The following GALNTL6 variants were observed in gnomAD, a reference collection of about 807,000 sequenced individuals.
GALNTL6 encodes polypeptide N-acetylgalactosaminyltransferase-like 6.
A neutral mutation model predicts 73.7 loss-of-function variants in GALNTL6; 46 were observed. That is an observed-to-expected ratio of 0.62 (90% CI 0.49 to 0.80). The LOEUF (loss-of-function observed/expected upper bound fraction) is 0.80. Ranked by LOEUF, GALNTL6 falls within the 30% of genes least tolerant of loss-of-function variation. GALNTL6 has a pLI of 0.00. For missense variants in GALNTL6, 604 were observed against 755.0 expected (o/e 0.80, Z 2.34); for synonymous variants, 259 against 263.7 (o/e 0.98, Z 0.17).
At chr4:171,973,639 G>A (rs1455781187) in intron 2 of GALNTL6, among the ~76,000 whole-genome samples, 1 of 152,072 alleles carries the variant, frequency 6.6e-6, no homozygotes, top group African/African-American at 2.4e-5. Context: ...TCCAAATAAA[G>A]CTACATTCTT....
chr4:172,038,515 C>A (rs1742000245), intron 2 of GALNTL6, among the ~76,000 whole-genome samples: 1 of 152,108 alleles, frequency 6.6e-6, no homozygotes, highest in African/African-American at 2.4e-5. Context: ...CAACAAAATT[C>A]AAAATTCAAA....
At chr4:172,468,524 T>G (rs1397736249) in intron 5 of GALNTL6, among the ~76,000 whole-genome samples, 1 of 152,232 alleles carries the variant, frequency 6.6e-6, no homozygotes, top group Admixed American at 6.5e-5. Flanking sequence ...ATATTCATTT[T>G]GAAGATGCAA....
At chr4:172,741,951 A>G (rs1263350516) in intron 5 of GALNTL6, among the ~76,000 whole-genome samples, 1 of 151,840 alleles carries the variant, frequency 6.6e-6, no homozygotes, top group Non-Finnish European at 1.5e-5. Context: ...CCTATATAAA[A>G]CAATAGAGAA....
chr4:172,781,854 G>A (rs1466819319), intron 5 of GALNTL6, among the ~76,000 whole-genome samples: 1 of 151,288 alleles, frequency 6.6e-6, no homozygotes, highest in Non-Finnish European at 1.5e-5. Flanking sequence ...TAATGGGCAT[G>A]TATTATTTAT....
At chr4:172,675,240 C>G (rs1732215995) in intron 5 of GALNTL6, among the ~76,000 whole-genome samples, 1 of 152,054 alleles carries the variant, frequency 6.6e-6, no homozygotes, top group African/African-American at 2.4e-5. Flanking sequence ...TTGGGGAGAC[C>G]AGTTCTCAGG....
In GALNTL6 at chr4:171,838,108, C is replaced by CTATTTATTTATT. The variant is rs57493491; in HGVS notation, c.138+23408_138+23419dup. Among the ~76,000 whole-genome samples, 316 of 149,564 alleles carry CTATTTATTTATT rather than the reference C, an allele frequency of 2.1e-3. 1 individual carries two copies. Among genetic ancestry groups the CTATTTATTTATT allele is most frequent in the African/African-American group, 6.4e-3 (257 of 40,418 alleles). ...AAAGTTTAAAATTCATTGTTTCTGT[C>CTATTTATTTATT]TATTTATTTATTTATTTATTTATTT... On this transcript the variant is annotated intron_variant, in intron 2 of 12. Coordinates refer to ENST00000506823, the MANE Select transcript of GALNTL6 (RefSeq NM_001034845.3).
intron 10 of GALNTL6, among the ~76,000 whole-genome samples, chr4:172,986,038 C>T (rs960390820): frequency 6.6e-6 from 1 of 152,124 alleles, no homozygotes; most frequent in Non-Finnish European, 1.5e-5. Context: ...AAATTATAAA[C>T]TCAATTACTC....
chr4:172,542,758 A>G (rs964485047), intron 5 of GALNTL6, among the ~76,000 whole-genome samples: 1 of 152,100 alleles, frequency 6.6e-6, no homozygotes, highest in African/African-American at 2.4e-5. Context: ...GTTTTCAGTT[A>G]CATTCCCAAC....
intron 5 of GALNTL6, among the ~76,000 whole-genome samples, chr4:172,645,705 A>G (rs1464522101): frequency 6.6e-6 from 1 of 151,982 alleles, no homozygotes; most frequent in Non-Finnish European, 1.5e-5. Flanking sequence ...TCTTAATAAG[A>G]AAATGAAGGT....
At position 172,825,077 on chromosome 4, in the gene GALNTL6, CTTTT is replaced by C. The variant is rs1372948405; in HGVS notation, c.923+11355_923+11358del. ...TTTTCTTTTTTTTTTTTTTGGTTAT[CTTTT>C]CTTTCTTTCTTTCTTTCTTTCTTTC... is the stretch of plus-strand genomic sequence containing the variant. On this transcript the variant is annotated intron_variant, in intron 7 of 12. Coordinates refer to ENST00000506823, the MANE Select transcript of GALNTL6 (RefSeq NM_001034845.3). Among the ~76,000 whole-genome samples, 26 of 62,646 alleles carry C rather than the reference CTTTT, an allele frequency of 4.2e-4. 1 individual carries two copies. Among genetic ancestry groups the C allele is most frequent in the Non-Finnish European group, 8.8e-4 (23 of 26,178 alleles). The allele number at this position is 62,646 out of a possible 152,430, so 41.1% of individuals were successfully genotyped here.
chr4:172,256,833 C>G (rs1471085188), intron 3 of GALNTL6, among the ~76,000 whole-genome samples: 1 of 151,374 alleles, frequency 6.6e-6, no homozygotes, highest in African/African-American at 2.4e-5. Context: ...TTTCTTCACA[C>G]TAGAACATAC....
chr4:172,542,670 T>A (rs1458649989), intron 5 of GALNTL6, among the ~76,000 whole-genome samples: 1 of 152,162 alleles, frequency 6.6e-6, no homozygotes, highest in Non-Finnish European at 1.5e-5. Flanking sequence ...TGGCGAGAAC[T>A]TTGTTTTTCG....
intron 7 of GALNTL6, among the ~76,000 whole-genome samples, chr4:172,839,313 C>A (rs180949761): frequency 5.8e-4 from 88 of 152,306 alleles, no homozygotes; most frequent in African/African-American, 1.9e-3. Context: ...TAATCTAATT[C>A]TCAGACAATA....
intron 5 of GALNTL6, among the ~76,000 whole-genome samples, chr4:172,382,156 C>T (rs1173427146): frequency 6.6e-6 from 1 of 152,048 alleles, no homozygotes; most frequent in African/African-American, 2.4e-5. Flanking sequence ...TTAGTAGAGA[C>T]AGGGGTTTCA....
rs986262841 is a variant in GALNTL6 at position 172,233,665 on chromosome 4, C to G, written c.247+3901C>G. ...TACCATAATAGCTAATGTACTATAT[C>G]TTTATTACAACTATTACTATCTGGT... On this transcript the variant is annotated intron_variant, in intron 3 of 12. Coordinates refer to ENST00000506823, the MANE Select transcript of GALNTL6 (RefSeq NM_001034845.3). 5.9e-5 allele frequency among the ~76,000 whole-genome samples: 9 copies of G among 152,016 alleles called. No homozygotes were observed. The South Asian group carries it at 1.9e-3, about 31-fold the overall frequency.
intron 2 of GALNTL6, among the ~76,000 whole-genome samples, chr4:172,151,560 T>G (rs192105071): frequency 2.0e-5 from 3 of 152,152 alleles, no homozygotes; most frequent in Admixed American, 2.0e-4. Context: ...TCAGGAGGAG[T>G]GTTTTGGACA....
chr4:172,452,160 CA>C lies in GALNTL6; in HGVS notation c.553+103474del, dbSNP rs149237679. 8.4e-3 allele frequency among the ~76,000 whole-genome samples: 1,285 copies of C among 152,134 alleles called. 12 individuals carry two copies. The highest frequency in any genetic ancestry group is 0.039 in the East Asian group (203 of 5,168). On this transcript the variant is annotated intron_variant, in intron 5 of 12. Coordinates refer to ENST00000506823, the MANE Select transcript of GALNTL6 (RefSeq NM_001034845.3). ...CCTGATATAACTGTCCATGAGTCCA[CA>C]AACGTAATTGAAATTCAATGCTATA...
At chr4:171,973,500 G>A (rs1273390067) in intron 2 of GALNTL6, among the ~76,000 whole-genome samples, 1 of 151,982 alleles carries the variant, frequency 6.6e-6, no homozygotes, top group Non-Finnish European at 1.5e-5. Context: ...GTTTTCACAT[G>A]GATACTGTCT....
chr4:172,529,413 C>T (rs1487980149), intron 5 of GALNTL6, among the ~76,000 whole-genome samples: 1 of 151,920 alleles, frequency 6.6e-6, no homozygotes. Context: ...TTGATGGCAT[C>T]GTACTCTTCC....
Sources: gnomAD v4.1 joint callset for allele counts (sites outside exome capture counted in the v4.1 genomes callset) on GRCh38, gnomAD v4.1.1 for gene constraint, MANE v1.5 for transcripts, NCBI Gene and HGNC (gene_info 2026-07-23, HGNC 2026-07-21) for gene names.